The following VLDLR variants were observed in gnomAD, a reference collection of about 807,000 sequenced individuals.
VLDLR encodes very low density lipoprotein receptor, also known as very low-density lipoprotein receptor.
In VLDLR, 81 loss-of-function variants were observed where a neutral mutation model predicts 112.7. That is an observed-to-expected ratio of 0.72 (90% CI 0.60 to 0.86). The LOEUF (loss-of-function observed/expected upper bound fraction) is 0.86, where lower values mean the gene tolerates loss of function less well. Among genes scored for constraint, VLDLR ranks in the 40% least tolerant of loss-of-function variants. VLDLR has a pLI of 0.00. For synonymous variants in VLDLR, 436 were observed against 384.8 expected, an observed-to-expected ratio of 1.13 and a Z score of -1.56; for missense variants, 1,237 against 1,099.4, an observed-to-expected ratio of 1.13 and a Z score of -1.77.
intron 1 of VLDLR, 59 bp downstream of exon 1, chr9:2,622,330 C>T: frequency 2.2e-6 from 3 of 1,386,356 alleles, no homozygotes; most frequent in Non-Finnish European, 2.8e-6. Context: ...ACCGGGAGAC[C>T]CCGAGGCGTA....
rs1243486289 is a variant in VLDLR at position 2,656,451 on chromosome 9, TAAAA to T, written c.*2584_*2587del. 5.1e-5 allele frequency: 2 copies of T among 39,262 alleles called. No individual in the cohort carries two copies. The highest frequency in any genetic ancestry group is 1.5e-4 in the African/African-American group (2 of 13,742). The allele number at this position is 39,262 out of a possible 1,614,324, so 2.4% of individuals were successfully genotyped here. ...TCTACAAAAAAAAAATTTATAAAAA[TAAAA>T]GAAAAAAATAGTTATATGACTAAAC... On this transcript the variant is annotated 3_prime_UTR_variant, in exon 19 of 19. Transcript: ENST00000382100.
chr9:2,639,787 A>G (rs1817747506), intron 2 of VLDLR, 72 bp from the exon 3 acceptor site: 1 of 1,609,174 alleles, frequency 6.2e-7, no homozygotes, highest in Non-Finnish European at 8.5e-7. Flanking sequence ...AAAATGCAGT[A>G]TGAGCCCTCA....
intron 1 of VLDLR, among the ~76,000 whole-genome samples, chr9:2,633,051 A>AGAGAGAGAGAGAGAGT (rs1460780869): frequency 7.8e-5 from 9 of 115,466 alleles, no homozygotes; most frequent in African/African-American, 3.0e-4. Flanking sequence ...AGAGAGAGAG[A>AGAGAGAGAGAGAGAGT]GTGTGTGTGT....
chr9:2,643,117 C>T (rs1205350299), intron 4 of VLDLR, 43 bp from the exon 5 acceptor site: 5 of 1,601,406 alleles, frequency 3.1e-6, no homozygotes, highest in Non-Finnish European at 4.2e-6. Context: ...TTGAACGGAC[C>T]AATCTTGATG....
In VLDLR at chr9:2,628,614, A is replaced by C. The variant is rs190001764; in HGVS notation, c.82+6343A>C. ...GTAGAGAATGTGGCAGCCTGGAGGC[A>C]AAGGAACAAGACATTTAAATTGACA... On this transcript the variant is annotated intron_variant, in intron 1 of 18. Transcript: ENST00000382100. Among the ~76,000 whole-genome samples, 16 of 152,324 alleles carry C rather than the reference A, an allele frequency of 1.1e-4. No homozygotes were observed. The East Asian group carries it at 3.1e-3, about 29-fold the overall frequency.
chr9:2,658,419 T>C lies in VLDLR; in HGVS notation c.*4551T>C, dbSNP rs1818680730. On this transcript the variant is annotated 3_prime_UTR_variant, in exon 19 of 19. Transcript: ENST00000382100. ...CAATGCAAAAACACTGAGACAGGAGTGAGACCAGCTGCGGGTGGGGAGTTT... is the reference window on the plus strand; with the variant it reads ...CAATGCAAAAACACTGAGACAGGAGCGAGACCAGCTGCGGGTGGGGAGTTT... 1 of 152,066 alleles carries C rather than the reference T, an allele frequency of 6.6e-6. No homozygotes were observed. The highest frequency in any genetic ancestry group is 2.4e-5 in the African/African-American group (1 of 41,400). 9.4% of individuals were successfully genotyped at this position (152,066 alleles called of 1,614,324 possible).
chr9:2,635,747 A>G lies in VLDLR; in HGVS notation c.202+175A>G, dbSNP rs74688235. ...TGTTTGACGTGGGGTTATCAACTTGAGAATGGAATGATAAGGTGATGTTCC... is the reference window on the plus strand; with the variant it reads ...TGTTTGACGTGGGGTTATCAACTTGGGAATGGAATGATAAGGTGATGTTCC... On this transcript the variant is annotated intron_variant, in intron 2 of 18. Transcript: ENST00000382100. Among the ~76,000 whole-genome samples the G allele has an allele frequency of 5.5e-3, 842 of 152,358 alleles. 7 individuals are homozygous for G. The highest frequency in any genetic ancestry group is 9.4e-3 in the Non-Finnish European group (639 of 68,030).
intron 1 of VLDLR, among the ~76,000 whole-genome samples, chr9:2,628,735 T>C (rs1010122033): frequency 6.6e-6 from 1 of 152,062 alleles, no homozygotes; most frequent in Non-Finnish European, 1.5e-5. Context: ...TTAGAGTAAG[T>C]AATGGGGCCA....
intron 17 of VLDLR, 61 bp from the exon 18 acceptor site, chr9:2,652,719 C>T (rs975285967): frequency 5.1e-5 from 82 of 1,599,172 alleles, no homozygotes; most frequent in Non-Finnish European, 3.6e-5. Context: ...AACGTTATTA[C>T]CTTTCTTGTA....
intron 4 of VLDLR, among the ~76,000 whole-genome samples, chr9:2,642,051 C>T (rs1205132977): frequency 6.6e-6 from 1 of 151,724 alleles, no homozygotes; most frequent in Non-Finnish European, 1.5e-5. Flanking sequence ...ACTGGTGATA[C>T]CTTTGTCTCC....
intron 1 of VLDLR, 42 bp downstream of exon 1, chr9:2,622,313 C>T (rs888532660): frequency 7.7e-6 from 11 of 1,421,964 alleles, no homozygotes; most frequent in Non-Finnish European, 1.0e-5. Flanking sequence ...CGGGACCCAG[C>T]CGGGGCACCG....
At chr9:2,648,411 A>G in intron 13 of VLDLR, 64 bp downstream of exon 13, 2 of 1,609,570 alleles carry the variant, frequency 1.2e-6, no homozygotes, top group Non-Finnish European at 1.7e-6. Flanking sequence ...AGAAGAAATA[A>G]CAGACATAGC....
At chr9:2,635,646 T>G (rs1817571415) in intron 2 of VLDLR, 74 bp downstream of exon 2, 2 of 1,604,366 alleles carry the variant, frequency 1.2e-6, no homozygotes, top group Non-Finnish European at 1.7e-6. Context: ...TGTATTGAGA[T>G]TCTGAAAATA....
intron 1 of VLDLR, among the ~76,000 whole-genome samples, chr9:2,626,255 A>C (rs903257607): frequency 6.6e-6 from 1 of 152,254 alleles, no homozygotes; most frequent in Non-Finnish European, 1.5e-5. Flanking sequence ...TTTATATTTC[A>C]CATACACCTT....
In VLDLR at chr9:2,635,698, T is replaced by G. The variant is rs1001628087; in HGVS notation, c.202+126T>G. 37 of 1,443,590 alleles carry G rather than the reference T, an allele frequency of 2.6e-5. No homozygotes were observed. In the South Asian group the frequency reaches 4.3e-4, roughly 17 times the overall value. The allele number at this position is 1,443,590 out of a possible 1,614,324, so 89.4% of individuals were successfully genotyped here. The stretch of plus-strand genomic sequence containing the variant: ...ATTGCTTTGAAAGAATCTATACTTC[T>G]CTGTGTAAAGGAATAAAATTGAATG... On this transcript the variant is annotated intron_variant, in intron 2 of 18. Coordinates refer to ENST00000382100, the MANE Select transcript of VLDLR (RefSeq NM_003383.5).
chr9:2,648,130 A>T, intron 12 of VLDLR, 78 bp from the exon 13 acceptor site: 1 of 1,581,890 alleles, frequency 6.3e-7, no homozygotes, highest in Non-Finnish European at 8.7e-7. Flanking sequence ...AAAGTAGATT[A>T]TTAATTCATT....
chr9:2,647,708 G>T lies in VLDLR; in HGVS notation c.1822+116G>T. 5.3e-6 allele frequency: 5 copies of T among 951,280 alleles called. No individual in the cohort carries two copies. In the South Asian group the frequency reaches 6.5e-5, roughly 12 times the overall value. The allele number at this position is 951,280 out of a possible 1,614,324, so 58.9% of individuals were successfully genotyped here. A position where few individuals can be genotyped will look rare whatever the true frequency, so the allele number is the denominator to read the frequency against. The stretch of plus-strand genomic sequence containing the variant: ...CTCTACTGCTTCCGCCTAAATTCTA[G>T]CAGGAATTTTCAATGGGAGTAACTG... On this transcript the variant is annotated intron_variant, in intron 12 of 18. Coordinates refer to ENST00000382100, the MANE Select transcript of VLDLR (RefSeq NM_003383.5).
chr9:2,628,661 G>A (rs907500456), intron 1 of VLDLR, among the ~76,000 whole-genome samples: 1 of 152,182 alleles, frequency 6.6e-6, no homozygotes, highest in Admixed American at 6.5e-5. Flanking sequence ...GAGGGCTTGG[G>A]CATAGCCAGG....
intron 1 of VLDLR, among the ~76,000 whole-genome samples, chr9:2,625,620 G>A (rs1236813060): frequency 3.3e-5 from 5 of 152,152 alleles, no homozygotes; most frequent in Non-Finnish European, 7.3e-5. Flanking sequence ...CCTGCCTTAG[G>A]GAGCTCCTTG....
Sources: gnomAD v4.1 joint callset for allele counts (sites outside exome capture counted in the v4.1 genomes callset) on GRCh38, gnomAD v4.1.1 for gene constraint, MANE v1.5 for transcripts, NCBI Gene and HGNC (gene_info 2026-07-23, HGNC 2026-07-21) for gene names.